The following PDZD2 variants were observed in gnomAD, a reference collection of about 807,000 sequenced individuals.
The protein encoded by PDZD2 is PDZ domain containing 2, also known as PDZ domain-containing protein 2.
PDZD2 carries 90 observed loss-of-function variants against 220.7 expected under a neutral mutation model. The ratio of observed to expected loss-of-function variants is 0.41; its 90% CI spans 0.34 to 0.49. The LOEUF (loss-of-function observed/expected upper bound fraction) is 0.49. Among genes scored for constraint, PDZD2 ranks in the 20% least tolerant of loss-of-function variants. The pLI, the probability that PDZD2 is intolerant of heterozygous loss-of-function variation, is 0.28. For missense variants in PDZD2, 3,174 were observed against 3,608.5 expected, an observed-to-expected ratio of 0.88 and a Z score of 3.08; for synonymous variants, 1,375 against 1,450.5, an observed-to-expected ratio of 0.95 and a Z score of 1.18.
Position 32,092,987 on chromosome 5 carries a change from T to A in PDZD2, c.7808T>A (p.Ile2603Asn), listed in dbSNP as rs1341957766. The A allele has an allele frequency of 6.2e-7, 1 of 1,600,202 alleles. No individual in the cohort carries two copies. Among genetic ancestry groups the A allele is most frequent in the South Asian group, 1.1e-5 (1 of 90,602 alleles). The change falls in exon 21 of 25, where the codon ATC (isoleucine) becomes AAC (asparagine). Residue 2603 changes from isoleucine (I) to asparagine (N), a missense_variant. Coordinates refer to ENST00000438447, the MANE Select transcript of PDZD2 (RefSeq NM_178140.4). ...VLSSVGSKST[I>N]LTLIQEAKAQ... ...TCGTCAGTGGGATCGAAATCTACCA[T>A]CCTAACTCTCATTCAGGAAGCGAAA...
chr5:31,689,866 T>C (rs1747048287), intron 1 of PDZD2, among the ~76,000 whole-genome samples: 1 of 152,174 alleles, frequency 6.6e-6, no homozygotes, highest in African/African-American at 2.4e-5. Flanking sequence ...GCTCTGATAG[T>C]CAATGCTGAA....
intron 1 of PDZD2, among the ~76,000 whole-genome samples, chr5:31,658,365 C>A (rs1044006788): frequency 6.6e-6 from 1 of 152,192 alleles, no homozygotes. Context: ...CTCCAGCCTG[C>A]GCTCTTTCCT....
intron 2 of PDZD2, among the ~76,000 whole-genome samples, chr5:31,964,949 C>G (rs770554083): frequency 2.6e-5 from 4 of 152,134 alleles, no homozygotes; most frequent in Non-Finnish European, 4.4e-5. Context: ...GTCTCGATCT[C>G]CTGACCTCGT....
intron 15 of PDZD2, among the ~76,000 whole-genome samples, chr5:32,070,794 G>A (rs773719980): frequency 2.0e-5 from 3 of 152,202 alleles, no homozygotes; most frequent in Non-Finnish European, 4.4e-5. Flanking sequence ...TCTGGAGTTC[G>A]AGACCAGCCT....
intron 5 of PDZD2, among the ~76,000 whole-genome samples, chr5:32,006,671 G>A (rs1224149617): frequency 1.3e-5 from 2 of 148,960 alleles, no homozygotes; most frequent in Admixed American, 6.7e-5. Context: ...ACCACTGCCA[G>A]GCTCAACACC....
rs115225002 is a variant in PDZD2 at position 31,768,235 on chromosome 5, A to G, written c.-360-30654A>G. Among the ~76,000 whole-genome samples the G allele has an allele frequency of 9.5e-3, 1,442 of 152,298 alleles. 23 individuals are homozygous for G. Among genetic ancestry groups the G allele is most frequent in the African/African-American group, 0.033 (1,382 of 41,572 alleles). ...GTCTCCAAAGGCTGGGAACTCCGTG[A>G]AAGGCAGGCGAGCAGGCAGCTTGCA... is the stretch of plus-strand genomic sequence containing the variant. On this transcript the variant is annotated intron_variant, in intron 1 of 24. Coordinates refer to ENST00000438447, the MANE Select transcript of PDZD2 (RefSeq NM_178140.4).
chr5:32,099,999 A>G (rs1160273794), intron 23 of PDZD2: 1 of 152,314 alleles, frequency 6.6e-6, no homozygotes, highest in Non-Finnish European at 1.5e-5. Flanking sequence ...GGACGCTTTT[A>G]AATTCCTGAT....
intron 2 of PDZD2, among the ~76,000 whole-genome samples, chr5:31,859,122 A>G (rs76129659): frequency 0.086 from 13,018 of 151,800 alleles, 658 homozygotes; most frequent in African/African-American, 0.14. Context: ...CCACACCCCT[A>G]TGATTGAATC....
intron 2 of PDZD2, among the ~76,000 whole-genome samples, chr5:31,833,692 A>G (rs1756773598): frequency 6.6e-6 from 1 of 152,170 alleles, no homozygotes; most frequent in African/African-American, 2.4e-5. Flanking sequence ...TGGAGATGGA[A>G]ATGTGAATCC....
intron 1 of PDZD2, among the ~76,000 whole-genome samples, chr5:31,716,207 G>T (rs1443479936): frequency 6.6e-6 from 1 of 152,144 alleles, no homozygotes; most frequent in Non-Finnish European, 1.5e-5. Flanking sequence ...TGGAAGGAAT[G>T]AGTTGTTAAT....
intron 3 of PDZD2, among the ~76,000 whole-genome samples, chr5:31,994,979 G>A (rs1751516658): frequency 6.6e-6 from 1 of 152,154 alleles, no homozygotes. Context: ...TTAAGCATTA[G>A]GTGGCTTTCA....
Position 32,038,406 on chromosome 5 carries a change from G to A in PDZD2, c.1519+1064G>A, listed in dbSNP as rs187990593. 1.6e-3 allele frequency among the ~76,000 whole-genome samples: 247 copies of A among 151,532 alleles called. 1 individual carries two copies. The highest frequency in any genetic ancestry group is 0.01 in the Middle Eastern group (3 of 294). On this transcript the variant is annotated intron_variant, in intron 7 of 24. Transcript: ENST00000438447. Reference sequence around the variant, plus strand: ...ACAAAAATTAGCTGGGTGTGGTGGCGTACACCTGTATTCCCAGCTACTTGG... The same window carrying A: ...ACAAAAATTAGCTGGGTGTGGTGGCATACACCTGTATTCCCAGCTACTTGG...
At chr5:31,815,245 CAAAAAAAA>C (rs59040987) in intron 2 of PDZD2, among the ~76,000 whole-genome samples, 18 of 57,938 alleles carry the variant, frequency 3.1e-4, no homozygotes, top group African/African-American at 1.0e-3. Context: ...AACTCTGTCT[CAAAAAAAA>C]AAAAAAAAAA....
intron 2 of PDZD2, among the ~76,000 whole-genome samples, chr5:31,828,578 C>T (rs1307934880): frequency 6.6e-6 from 1 of 152,220 alleles, no homozygotes; most frequent in African/African-American, 2.4e-5. Context: ...TCACTGTAGC[C>T]TCAACCTCCT....
chr5:31,754,368 C>T (rs1190888722), intron 1 of PDZD2: 1 of 152,152 alleles, frequency 6.6e-6, no homozygotes, highest in East Asian at 1.9e-4. Flanking sequence ...CTTTGTGCCC[C>T]AGGCATGAAG....
At chr5:32,066,332 G>A (rs1036401264) in intron 14 of PDZD2, among the ~76,000 whole-genome samples, 1 of 152,128 alleles carries the variant, frequency 6.6e-6, no homozygotes, top group Admixed American at 6.5e-5. Flanking sequence ...GCAACAGAGC[G>A]AGACTCTATC....
chr5:32,039,382 C>T (rs1581346458), intron 7 of PDZD2, among the ~76,000 whole-genome samples: 1 of 151,980 alleles, frequency 6.6e-6, no homozygotes, highest in East Asian at 2.0e-4. Context: ...GCTGGGATTG[C>T]AGACGGAGTC....
intron 2 of PDZD2, among the ~76,000 whole-genome samples, chr5:31,862,307 T>A (rs1052370439): frequency 6.6e-6 from 1 of 151,928 alleles, no homozygotes; most frequent in Non-Finnish European, 1.5e-5. Flanking sequence ...TTTTGCCATG[T>A]TGGCCAGGCT....
chr5:31,826,952 C>T (rs1288999824), intron 2 of PDZD2, among the ~76,000 whole-genome samples: 2 of 152,074 alleles, frequency 1.3e-5, no homozygotes, highest in African/African-American at 4.8e-5. Context: ...TCTTTTTTTG[C>T]TGGGATGCTC....
Sources: allele counts gnomAD v4.1 joint callset (sites outside exome capture counted in the v4.1 genomes callset), GRCh38; gene constraint gnomAD v4.1.1; transcripts MANE v1.5; gene names NCBI Gene and HGNC (gene_info 2026-07-23, HGNC 2026-07-21).